SNX16: variants seen among roughly 807,000 people sequenced by gnomAD.
The protein encoded by SNX16 is sorting nexin 16.
A neutral mutation model predicts 36.7 loss-of-function variants in SNX16; 35 were observed. The observed-to-expected ratio is 0.95, with a 90% CI of 0.73 to 1.27. The LOEUF is 1.27. SNX16 is among the 50% of genes most tolerant of loss of function. The pLI, the probability that SNX16 is intolerant of heterozygous loss-of-function variation, is 0.00. For synonymous variants in SNX16, 134 were observed against 132.0 expected (o/e 1.02, Z -0.10); for missense variants, 367 against 393.6 (o/e 0.93, Z 0.57).
At chr8:81,811,444 CTA>C (rs900139773) in intron 5 of SNX16, among the ~76,000 whole-genome samples, 3 of 152,122 alleles carry the variant, frequency 2.0e-5, no homozygotes, top group African/African-American at 4.8e-5. Flanking sequence ...ACTCCTTAGA[CTA>C]TATACAGATC....
intron 5 of SNX16, among the ~76,000 whole-genome samples, chr8:81,809,358 G>A (rs1810118405): frequency 6.6e-6 from 1 of 151,992 alleles, no homozygotes; most frequent in Admixed American, 6.6e-5. Context: ...TTGAGTAATG[G>A]TACCAGATAA....
chr8:81,823,637 A>G (rs995431973), intron 4 of SNX16, among the ~76,000 whole-genome samples, 155 bp downstream of exon 4: 8 of 152,168 alleles, frequency 5.3e-5, no homozygotes, highest in South Asian at 2.1e-4. Flanking sequence ...AAAGAAAGCA[A>G]GAAAATCTCT....
intron 3 of SNX16, among the ~76,000 whole-genome samples, chr8:81,825,165 T>C (rs1005304524): frequency 6.6e-6 from 1 of 152,268 alleles, no homozygotes; most frequent in Admixed American, 6.5e-5. Context: ...CGCAAGACCA[T>C]CCAGGTTCAA....
intron 5 of SNX16, among the ~76,000 whole-genome samples, chr8:81,814,192 A>G (rs1585989338): frequency 6.6e-6 from 1 of 152,078 alleles, no homozygotes; most frequent in East Asian, 1.9e-4. Context: ...GGGTGACTGG[A>G]TAAACAAAAT....
chr8:81,820,487 G>C (rs184868593), intron 4 of SNX16, among the ~76,000 whole-genome samples: 30 of 152,164 alleles, frequency 2.0e-4, no homozygotes, highest in Admixed American at 1.3e-3. Context: ...ACAGTACTGA[G>C]GGATGACAAG....
At chr8:81,823,742 G>T (rs373529524) in intron 4 of SNX16, 50 bp downstream of exon 4, 24 of 1,456,396 alleles carry the variant, frequency 1.6e-5, no homozygotes, top group Non-Finnish European at 1.9e-5. Context: ...TTTAATTTAC[G>T]CCAGTTATTG....
At chr8:81,828,169 C>G (rs1811095262) in intron 3 of SNX16, among the ~76,000 whole-genome samples, 1 of 152,124 alleles carries the variant, frequency 6.6e-6, no homozygotes, top group Admixed American at 6.5e-5. Context: ...ATACAAAACA[C>G]TGTGGTAAGT....
rs182430233 is a variant in SNX16 at position 81,808,373 on chromosome 8, C to A, written c.682-5145G>T. 1.1e-3 allele frequency: 1,415 copies of A among 1,308,892 alleles called. 20 individuals are homozygous for A. In the East Asian group the frequency reaches 0.031, roughly 29 times the overall value. The allele number at this position is 1,308,892 out of a possible 1,614,324, so 81.1% of individuals were successfully genotyped here. On this transcript the variant is annotated intron_variant, in intron 5 of 7. Transcript: ENST00000345957. Reference sequence around the variant, plus strand: ...AAAGAGGTCGAAGTGGTTCTGGAAACTTTGGTGGTGGTTGTGGAGGTGTTT... The same window carrying A: ...AAAGAGGTCGAAGTGGTTCTGGAAAATTTGGTGGTGGTTGTGGAGGTGTTT...
intron 2 of SNX16, among the ~76,000 whole-genome samples, chr8:81,831,575 G>A (rs1004017738): frequency 6.6e-6 from 1 of 151,488 alleles, no homozygotes; most frequent in Non-Finnish European, 1.5e-5. Context: ...GTGGGTGCCT[G>A]TAATCCCAGC....
chr8:81,834,124 G>C (rs980228584), intron 2 of SNX16, among the ~76,000 whole-genome samples: 3 of 152,204 alleles, frequency 2.0e-5, no homozygotes, highest in African/African-American at 7.2e-5. Flanking sequence ...TGTGGCTAGG[G>C]AGGCCTTATA....
chr8:81,802,581 G>A, intron 6 of SNX16, 82 bp from the exon 7 acceptor site: 1 of 1,191,328 alleles, frequency 8.4e-7, no homozygotes, highest in Admixed American at 2.4e-5. Context: ...GGTAGCTATA[G>A]CAGTCTTTAG....
At chr8:81,804,930 A>G (rs1180281996) in intron 5 of SNX16, among the ~76,000 whole-genome samples, 2 of 152,138 alleles carry the variant, frequency 1.3e-5, no homozygotes, top group Non-Finnish European at 2.9e-5. Flanking sequence ...TCCACACCAT[A>G]AGGGGTAAAT....
intron 4 of SNX16, among the ~76,000 whole-genome samples, chr8:81,819,920 G>GCATTAAGGGCTGCCCATTGT (rs1810657882): frequency 6.6e-6 from 1 of 152,040 alleles, no homozygotes; most frequent in South Asian, 2.1e-4. Flanking sequence ...ATTGTGTAAT[G>GCATTAAGGGCTGCCCATTGT]GTAAGGGCTT....
chr8:81,813,584 A>G (rs1426162803), intron 5 of SNX16, among the ~76,000 whole-genome samples: 1 of 151,900 alleles, frequency 6.6e-6, no homozygotes, highest in African/African-American at 2.4e-5. Context: ...GTGATAAAAT[A>G]AATTCATTAA....
chr8:81,802,569 C>T lies in SNX16; in HGVS notation c.819-70G>A. 20 of 1,378,974 alleles carry T rather than the reference C, an allele frequency of 1.5e-5. No individual in the cohort carries two copies. In the South Asian group the frequency reaches 2.4e-4, roughly 17 times the overall value. 85.4% of individuals were successfully genotyped at this position (1,378,974 alleles called of 1,614,324 possible). ...AGGCATATGTTTAATGTTGTGAATA[C>T]AGGTAGCTATAGCAGTCTTTAGCTG... On this transcript the variant is annotated intron_variant, in intron 6 of 7. Transcript: ENST00000345957.
At chr8:81,832,388 C>A (rs755351787) in intron 2 of SNX16, among the ~76,000 whole-genome samples, 2 of 151,962 alleles carry the variant, frequency 1.3e-5, no homozygotes, top group Non-Finnish European at 2.9e-5. Context: ...ATAAAGATAG[C>A]AACAATAGAC....
chr8:81,808,657 T>C, intron 5 of SNX16: 7 of 973,520 alleles, frequency 7.2e-6, no homozygotes, highest in Non-Finnish European at 1.1e-5. Flanking sequence ...GGCCAATACT[T>C]TGCCAAACCA....
chr8:81,827,626 A>C lies in SNX16; in HGVS notation c.462+1804T>G, dbSNP rs187434141. On this transcript the variant is annotated intron_variant, in intron 3 of 7. Coordinates refer to ENST00000345957, the MANE Select transcript of SNX16 (RefSeq NM_152836.3). ...CATATTACAAGAAAGCATCTTAACCAAATCTTAAAATGGATAAAATAATTT... is the reference window on the plus strand; with the variant it reads ...CATATTACAAGAAAGCATCTTAACCCAATCTTAAAATGGATAAAATAATTT... Among the ~76,000 whole-genome samples, 357 of 152,328 alleles carry C rather than the reference A, an allele frequency of 2.3e-3. 2 individuals are homozygous for C. The highest frequency in any genetic ancestry group is 7.9e-3 in the African/African-American group (328 of 41,590).
intron 4 of SNX16, among the ~76,000 whole-genome samples, chr8:81,821,161 G>C (rs551583818): frequency 6.7e-6 from 1 of 150,022 alleles, no homozygotes; most frequent in Non-Finnish European, 1.5e-5. Flanking sequence ...TAATCCTTTA[G>C]GGATATCAAA....
Sources: allele counts gnomAD v4.1 joint callset (sites outside exome capture counted in the v4.1 genomes callset), GRCh38; gene constraint gnomAD v4.1.1; transcripts MANE v1.5; gene names NCBI Gene and HGNC (gene_info 2026-07-23, HGNC 2026-07-21).